The following SGMS1 variants were observed in gnomAD, a reference collection of about 807,000 sequenced individuals.
SGMS1 encodes the protein sphingomyelin synthase 1.
SGMS1 carries 13 observed loss-of-function variants against 46.2 expected under a neutral mutation model. That is an observed-to-expected ratio of 0.28 (90% CI 0.18 to 0.45). The LOEUF is 0.45. Among genes scored for constraint, SGMS1 ranks in the 20% least tolerant of loss-of-function variants. The pLI is 1.00. For missense variants in SGMS1, 324 were observed against 519.9 expected, an observed-to-expected ratio of 0.62 and a Z score of 3.66; for synonymous variants, 203 against 187.8, an observed-to-expected ratio of 1.08 and a Z score of -0.66.
intron 8 of SGMS1, among the ~76,000 whole-genome samples, chr10:50,321,529 A>T (rs991900279): frequency 6.6e-6 from 1 of 152,220 alleles, no homozygotes; most frequent in Admixed American, 6.5e-5. Context: ...CGTTACTGGA[A>T]AGTATATGCA....
At chr10:50,571,238 A>T (rs1049131305) in intron 2 of SGMS1, among the ~76,000 whole-genome samples, 1 of 152,250 alleles carries the variant, frequency 6.6e-6, no homozygotes, top group African/African-American at 2.4e-5. Context: ...ATAAGTAAAA[A>T]GATTAAGAAA....
chr10:50,552,793 G>A (rs773959939), intron 2 of SGMS1, among the ~76,000 whole-genome samples: 2 of 152,108 alleles, frequency 1.3e-5, no homozygotes, highest in Non-Finnish European at 2.9e-5. Flanking sequence ...GAGATGGGGG[G>A]ATTATCCTGG....
At chr10:50,500,532 T>TGC (rs1248980991) in intron 3 of SGMS1, among the ~76,000 whole-genome samples, 1 of 152,004 alleles carries the variant, frequency 6.6e-6, no homozygotes, top group Non-Finnish European at 1.5e-5. Flanking sequence ...TGAGTGTGTG[T>TGC]GCCACGCATT....
In SGMS1 at chr10:50,623,771, C is replaced by G. The variant is rs779803616; in HGVS notation, c.-748G>C. 1 of 985,366 alleles carries G rather than the reference C, an allele frequency of 1.0e-6. No individual in the cohort carries two copies. The highest frequency in any genetic ancestry group is 1.2e-6 in the Non-Finnish European group (1 of 829,974). The allele number at this position is 985,366 out of a possible 1,614,324, so 61.0% of individuals were successfully genotyped here. A position where few individuals can be genotyped will look rare whatever the true frequency, so the allele number is the denominator to read the frequency against. ...GGAGCCCCCGCCGCGGAATGAAATC[C>G]GGGGCAGGGCAGCGTCGGGGCTCCG... On this transcript the variant is annotated 5_prime_UTR_variant, in exon 1 of 11. Coordinates refer to ENST00000361781, the MANE Select transcript of SGMS1 (RefSeq NM_147156.4).
chr10:50,447,043 T>C (rs1356589696), intron 5 of SGMS1, among the ~76,000 whole-genome samples: 2 of 152,332 alleles, frequency 1.3e-5, no homozygotes, highest in South Asian at 2.1e-4. Context: ...CAAACTATTG[T>C]CTGCTTCCTA....
chr10:50,468,838 C>T (rs1330768704), intron 3 of SGMS1, among the ~76,000 whole-genome samples: 1 of 152,194 alleles, frequency 6.6e-6, no homozygotes, highest in African/African-American at 2.4e-5. Flanking sequence ...TGTAATATAT[C>T]AAAGACATGT....
intron 6 of SGMS1, among the ~76,000 whole-genome samples, chr10:50,387,306 C>T (rs143342332): frequency 1.3e-5 from 2 of 152,296 alleles, no homozygotes; most frequent in East Asian, 3.9e-4. Flanking sequence ...CTGCTCACTC[C>T]CTATCCCAGG....
chr10:50,358,833 G>C (rs539172487), intron 6 of SGMS1, among the ~76,000 whole-genome samples: 1 of 152,274 alleles, frequency 6.6e-6, no homozygotes, highest in East Asian at 1.9e-4. Flanking sequence ...GTATAGATTT[G>C]TTATTTAGCA....
chr10:50,480,697 A>T (rs1486918486), intron 3 of SGMS1, among the ~76,000 whole-genome samples: 1 of 152,166 alleles, frequency 6.6e-6, no homozygotes, highest in Non-Finnish European at 1.5e-5. Flanking sequence ...AGAGCTGTGC[A>T]GACTTTCAGT....
chr10:50,341,085 ACT>A, intron 7 of SGMS1: 1 of 296,198 alleles, frequency 3.4e-6, no homozygotes, highest in South Asian at 3.3e-5. Flanking sequence ...GGAGAAGTTA[ACT>A]CTCTGCTAAG....
chr10:50,540,856 C>A (rs1838045560), intron 2 of SGMS1, among the ~76,000 whole-genome samples: 1 of 152,104 alleles, frequency 6.6e-6, no homozygotes, highest in Non-Finnish European at 1.5e-5. Context: ...AGGTGAATTA[C>A]CAGATTTCCA....
At chr10:50,590,388 T>TA (rs1213673349) in intron 1 of SGMS1, 141 bp from the exon 2 acceptor site, 1 of 151,912 alleles carries the variant, frequency 6.6e-6, no homozygotes, top group African/African-American at 2.4e-5. Context: ...GGGGAAAAAG[T>TA]AAAAAAAGAA....
At chr10:50,475,630 G>A (rs1323192333) in intron 3 of SGMS1, among the ~76,000 whole-genome samples, 3 of 152,084 alleles carry the variant, frequency 2.0e-5, no homozygotes, top group African/African-American at 7.2e-5. Context: ...GTACAATTTT[G>A]GACGTGGGGC....
intron 7 of SGMS1, among the ~76,000 whole-genome samples, chr10:50,334,167 C>G (rs1252565889): frequency 6.6e-6 from 1 of 152,126 alleles, no homozygotes; most frequent in Non-Finnish European, 1.5e-5. Context: ...AAGACATGAA[C>G]AAAAACATCA....
chr10:50,478,027 T>C (rs1428378909), intron 3 of SGMS1, among the ~76,000 whole-genome samples: 1 of 152,194 alleles, frequency 6.6e-6, no homozygotes, highest in African/African-American at 2.4e-5. Flanking sequence ...GGCAATGACA[T>C]AACAATTTCA....
At chr10:50,327,415 C>A in intron 7 of SGMS1, 93 bp from the exon 8 acceptor site, 1 of 750,086 alleles carries the variant, frequency 1.3e-6, no homozygotes, top group African/African-American at 1.8e-5. Context: ...AAAACAAACC[C>A]CAAAAACTAC....
At chr10:50,343,440 T>C (rs1325838543) in intron 7 of SGMS1, 52 bp downstream of exon 7, 3 of 1,494,028 alleles carry the variant, frequency 2.0e-6, no homozygotes, top group African/African-American at 2.8e-5. Context: ...AAGTAGATGT[T>C]TGGAGTGCAA....
At chr10:50,474,838 A>G (rs961736737) in intron 3 of SGMS1, among the ~76,000 whole-genome samples, 1 of 152,182 alleles carries the variant, frequency 6.6e-6, no homozygotes, top group Non-Finnish European at 1.5e-5. Context: ...TGATGCTACA[A>G]CCTTAACCAT....
At chr10:50,433,609 C>T (rs1306296108) in intron 5 of SGMS1, 53 bp from the exon 6 acceptor site, 2 of 152,474 alleles carry the variant, frequency 1.3e-5, no homozygotes, top group East Asian at 3.8e-4. Flanking sequence ...AAGGCCATTT[C>T]TTGATTTCCA....
Sources: gnomAD v4.1 joint callset for allele counts (sites outside exome capture counted in the v4.1 genomes callset) on GRCh38, gnomAD v4.1.1 for gene constraint, MANE v1.5 for transcripts, NCBI Gene and HGNC (gene_info 2026-07-23, HGNC 2026-07-21) for gene names.